The following TACR3 variants were observed in gnomAD, a reference collection of about 807,000 sequenced individuals.
TACR3 encodes tachykinin receptor 3.
In TACR3, 34 loss-of-function variants were observed where a neutral mutation model predicts 35.0. The ratio of observed to expected loss-of-function variants is 0.97; its 90% confidence interval spans 0.74 to 1.30. The LOEUF (loss-of-function observed/expected upper bound fraction) is 1.30, where lower values mean the gene tolerates loss of function less well. Among genes scored for constraint, TACR3 ranks in the 50% most tolerant of loss-of-function variants. TACR3 has a pLI of 0.00. For synonymous variants in TACR3, 233 were observed against 221.1 expected (o/e 1.05, Z -0.48); for missense variants, 558 against 591.7 (o/e 0.94, Z 0.59).
intron 4 of TACR3, chr4:103,591,200 T>C (rs916680065): frequency 4.5e-6 from 2 of 449,050 alleles, no homozygotes; most frequent in Non-Finnish European, 8.1e-6. Flanking sequence ...TTCTTTTTCT[T>C]TGGCAGGTAA....
rs1723845747 is a variant in TACR3, at chr4:103,589,594, T to C, written c.*88A>G. 3 of 1,496,262 alleles carry C rather than the reference T, an allele frequency of 2.0e-6. No individual in the cohort carries two copies. Among genetic ancestry groups the C allele is most frequent in the South Asian group, 2.3e-5 (2 of 87,996 alleles). The allele number at this position is 1,496,262 out of a possible 1,614,324, so 92.7% of individuals were successfully genotyped here. A position where few individuals can be genotyped will look rare whatever the true frequency, so the allele number is the denominator to read the frequency against. On this transcript the variant is annotated 3_prime_UTR_variant, in exon 5 of 5. Transcript: ENST00000304883. ...AATTGCTTTCTGTTTCTAGAGGGTA[T>C]ATAGGACAGGACTGGTAAATAGGAG...
chr4:103,665,425 G>C (rs1725916136), intron 1 of TACR3, among the ~76,000 whole-genome samples: 1 of 151,968 alleles, frequency 6.6e-6, no homozygotes, highest in African/African-American at 2.4e-5. Context: ...ATTTAAAACA[G>C]CTTCAGAATA....
At chr4:103,678,957 G>C (rs928012483) in intron 1 of TACR3, among the ~76,000 whole-genome samples, 2 of 151,898 alleles carry the variant, frequency 1.3e-5, no homozygotes, top group African/African-American at 4.8e-5. Flanking sequence ...CAAAAAGCAA[G>C]TATTTTCCAG....
chr4:103,711,206 C>T (rs1722949138), intron 1 of TACR3, among the ~76,000 whole-genome samples: 2 of 152,164 alleles, frequency 1.3e-5, no homozygotes, highest in Admixed American at 1.3e-4. Flanking sequence ...GAATTTTAGA[C>T]CAATATCCCT....
At chr4:103,707,889 G>A (rs28590132) in intron 1 of TACR3, among the ~76,000 whole-genome samples, 3 of 152,212 alleles carry the variant, frequency 2.0e-5, no homozygotes, top group African/African-American at 7.2e-5. Context: ...CACACCCAAG[G>A]AGCCTTACTC....
At chr4:103,662,670 A>G (rs1725857301) in intron 1 of TACR3, among the ~76,000 whole-genome samples, 3 of 152,236 alleles carry the variant, frequency 2.0e-5, no homozygotes, top group Non-Finnish European at 1.5e-5. Flanking sequence ...CTAACCCAAT[A>G]TGACTAGTGT....
chr4:103,713,774 A>G (rs892245629), intron 1 of TACR3, among the ~76,000 whole-genome samples: 1 of 152,126 alleles, frequency 6.6e-6, no homozygotes, highest in Non-Finnish European at 1.5e-5. Flanking sequence ...AGAACTTAGT[A>G]TAAAGCAACT....
At chr4:103,612,387 G>A (rs1216108010) in intron 3 of TACR3, among the ~76,000 whole-genome samples, 2 of 152,040 alleles carry the variant, frequency 1.3e-5, no homozygotes, top group Non-Finnish European at 2.9e-5. Context: ...AAACAACTCC[G>A]ATTGCAATTA....
intron 1 of TACR3, among the ~76,000 whole-genome samples, chr4:103,708,220 C>T (rs1196483972): frequency 1.3e-5 from 2 of 152,188 alleles, no homozygotes; most frequent in African/African-American, 2.4e-5. Context: ...GGGTCCTTGA[C>T]CCCTGAGTAG....
chr4:103,696,180 C>T (rs965693278), intron 1 of TACR3, among the ~76,000 whole-genome samples: 2 of 151,914 alleles, frequency 1.3e-5, no homozygotes, highest in Admixed American at 6.6e-5. Context: ...TTTTTACATA[C>T]AGGTAGTCTT....
intron 1 of TACR3, among the ~76,000 whole-genome samples, chr4:103,685,463 T>C (rs1382518276): frequency 2.6e-5 from 4 of 152,128 alleles, no homozygotes; most frequent in Admixed American, 6.6e-5. Context: ...CAAATATTTC[T>C]GGGACATGAC....
At chr4:103,591,763 G>A (rs1351252966) in intron 3 of TACR3, 80 bp from the exon 4 acceptor site, 20 of 1,340,108 alleles carry the variant, frequency 1.5e-5, no homozygotes, top group Admixed American at 3.9e-5. Context: ...ATGCTTTTCT[G>A]CCAATACAGT....
chr4:103,658,404 C>T lies in TACR3; in HGVS notation c.549-1G>A, dbSNP rs751232527. 2 of 1,612,750 alleles carry T rather than the reference C, an allele frequency of 1.2e-6. No homozygotes were observed. The highest frequency in any genetic ancestry group is 2.2e-5 in the South Asian group (2 of 91,044). Reference sequence around the variant, plus strand: ...CAAGGGATCAATAATAGCCATATACCTATATAAAAACAAACAAAACCATTT... The same window carrying T: ...CAAGGGATCAATAATAGCCATATACTTATATAAAAACAAACAAAACCATTT... On this transcript the variant is annotated splice_acceptor_variant, in intron 1 of 4. Transcript: ENST00000304883. LOFTEE classifies it high-confidence loss of function.
intron 1 of TACR3, among the ~76,000 whole-genome samples, chr4:103,705,415 TC>T (rs1187183293): frequency 6.6e-6 from 1 of 152,128 alleles, no homozygotes; most frequent in Non-Finnish European, 1.5e-5. Context: ...CCAGAGTGCA[TC>T]CTTACTATGT....
chr4:103,654,247 C>T lies in TACR3; in HGVS notation c.888+1947G>A, dbSNP rs559656935. 6.8e-3 allele frequency among the ~76,000 whole-genome samples: 1,026 copies of T among 150,686 alleles called. 35 individuals carry two copies. The highest frequency in any genetic ancestry group is 0.042 in the Admixed American group (641 of 15,120). ...ATGCTGCTATAAAGACACATGCACACGTATGTTTATTGTGGCACTATTCAC... is the reference window on the plus strand; with the variant it reads ...ATGCTGCTATAAAGACACATGCACATGTATGTTTATTGTGGCACTATTCAC... On this transcript the variant is annotated intron_variant, in intron 3 of 4. Transcript: ENST00000304883.
intron 1 of TACR3, among the ~76,000 whole-genome samples, chr4:103,701,143 G>C (rs957931354): frequency 7.2e-5 from 11 of 152,078 alleles, no homozygotes; most frequent in Admixed American, 6.6e-4. Context: ...TGTATATCTA[G>C]AAAACCCCAT....
intron 3 of TACR3, among the ~76,000 whole-genome samples, chr4:103,610,801 TG>T (rs1278851671): frequency 6.6e-6 from 1 of 152,186 alleles, no homozygotes; most frequent in Admixed American, 6.5e-5. Flanking sequence ...AGTTGATTTT[TG>T]TAAGTGTTGA....
chr4:103,667,414 A>C (rs1396674345), intron 1 of TACR3, among the ~76,000 whole-genome samples: 2 of 152,216 alleles, frequency 1.3e-5, no homozygotes, highest in Non-Finnish European at 2.9e-5. Context: ...GTTTAGTATC[A>C]CAACAGGGCA....
intron 1 of TACR3, among the ~76,000 whole-genome samples, chr4:103,702,059 T>C (rs1306530889): frequency 1.3e-5 from 2 of 152,100 alleles, no homozygotes; most frequent in Non-Finnish European, 2.9e-5. Flanking sequence ...TGGGATCTAA[T>C]TAAACTAAAG....
Sources: gnomAD v4.1 joint callset for allele counts (sites outside exome capture counted in the v4.1 genomes callset) on GRCh38, gnomAD v4.1.1 for gene constraint, MANE v1.5 for transcripts, NCBI Gene and HGNC (gene_info 2026-07-23, HGNC 2026-07-21) for gene names.